The following GRIK1 variants were observed in gnomAD, a reference collection of about 807,000 sequenced individuals.
The protein encoded by GRIK1 is glutamate receptor ionotropic, kainate 1.
In GRIK1, 69 loss-of-function variants were observed where a neutral mutation model predicts 105.7. That is an observed-to-expected ratio of 0.65 (90% CI 0.54 to 0.80). The LOEUF is 0.80. GRIK1 is among the 30% of genes least tolerant of loss of function. GRIK1 has a pLI of 0.00. For synonymous variants in GRIK1, 438 were observed against 431.3 expected (o/e 1.02, Z -0.19); for missense variants, 1,109 against 1,167.3 (o/e 0.95, Z 0.73).
chr21:29,756,265 C>T (rs2065338240), intron 1 of GRIK1, among the ~76,000 whole-genome samples: 1 of 152,116 alleles, frequency 6.6e-6, no homozygotes, highest in African/African-American at 2.4e-5. Flanking sequence ...CCTGCAGCCC[C>T]AGCTACTCGG....
rs57589929 is a variant in GRIK1 at position 29,672,056 on chromosome 21, CT to C, written c.726+926del. Among the ~76,000 whole-genome samples the C allele has an allele frequency of 9.2e-3, 1,211 of 131,584 alleles. 14 individuals are homozygous for C. The highest frequency in any genetic ancestry group is 0.024 in the African/African-American group (844 of 35,768). The allele number at this position is 131,584 out of a possible 152,430, so 86.3% of individuals were successfully genotyped here. A position where few individuals can be genotyped will look rare whatever the true frequency, so the allele number is the denominator to read the frequency against. On this transcript the variant is annotated intron_variant, in intron 4 of 17. Coordinates refer to ENST00000327783, the MANE Select transcript of GRIK1 (RefSeq NM_001330994.2). ...CGCTTTGTTTCTAATTCTGAATTTA[CT>C]TTTTTTTTTTTTTTTTTGAGATGAA...
intron 1 of GRIK1, among the ~76,000 whole-genome samples, chr21:29,832,860 T>A (rs1272142097): frequency 2.0e-5 from 3 of 152,206 alleles, no homozygotes; most frequent in African/African-American, 7.2e-5. Flanking sequence ...GGGTTTTTCT[T>A]TTCTACCACA....
rs143574458 is a variant in GRIK1, at chr21:29,856,892, C to G, written c.118+82491G>C. Among the ~76,000 whole-genome samples the G allele has an allele frequency of 2.7e-3, 417 of 151,972 alleles. 2 individuals carry two copies. Among genetic ancestry groups the G allele is most frequent in the African/African-American group, 9.2e-3 (382 of 41,430 alleles). On this transcript the variant is annotated intron_variant, in intron 1 of 17. Transcript: ENST00000327783. ...CACCACAAAGTCGAAGCCTAAGGAC[C>G]CCGAGGTTGGAATAAATTTGTTATA...
chr21:29,822,786 G>A (rs1344497883), intron 1 of GRIK1, among the ~76,000 whole-genome samples: 1 of 151,864 alleles, frequency 6.6e-6, no homozygotes, highest in African/African-American at 2.4e-5. Flanking sequence ...AGACATCCTC[G>A]ATCTAGACTT....
chr21:29,598,492 C>A (rs2061457420), intron 8 of GRIK1, among the ~76,000 whole-genome samples: 1 of 152,176 alleles, frequency 6.6e-6, no homozygotes, highest in Non-Finnish European at 1.5e-5. Context: ...ATAGCTTCTG[C>A]TTTTCCAAGT....
At chr21:29,734,702 T>C (rs1287333115) in intron 1 of GRIK1, among the ~76,000 whole-genome samples, 1 of 152,104 alleles carries the variant, frequency 6.6e-6, no homozygotes, top group African/African-American at 2.4e-5. Flanking sequence ...CCCAGCCTCC[T>C]TTTATCAAAG....
intron 16 of GRIK1, among the ~76,000 whole-genome samples, chr21:29,549,982 C>A (rs186452890): frequency 6.6e-6 from 1 of 151,790 alleles, no homozygotes; most frequent in Admixed American, 6.6e-5. Context: ...ATGGTGCACG[C>A]CTGCAATCCC....
At chr21:29,726,170 T>C (rs555906224) in intron 1 of GRIK1, among the ~76,000 whole-genome samples, 1 of 152,212 alleles carries the variant, frequency 6.6e-6, no homozygotes, top group African/African-American at 2.4e-5. Context: ...GATTTATCAG[T>C]CTTTATGTGA....
At chr21:29,608,896 A>G (rs1391511453) in intron 7 of GRIK1, among the ~76,000 whole-genome samples, 2 of 152,058 alleles carry the variant, frequency 1.3e-5, no homozygotes, top group African/African-American at 2.4e-5. Flanking sequence ...GACTCTTTTT[A>G]ATAGTCCAGG....
At chr21:29,874,111 C>T (rs755650601) in intron 1 of GRIK1, among the ~76,000 whole-genome samples, 2 of 152,166 alleles carry the variant, frequency 1.3e-5, no homozygotes, top group African/African-American at 2.4e-5. Flanking sequence ...TTCGCTCACT[C>T]GCCTGCCACT....
intron 1 of GRIK1, among the ~76,000 whole-genome samples, chr21:29,703,275 TA>T (rs1334298317): frequency 6.6e-6 from 1 of 152,222 alleles, no homozygotes; most frequent in Non-Finnish European, 1.5e-5. Context: ...GGAAGAAAGG[TA>T]AAACCATTAG....
chr21:29,781,264 T>C (rs536501834), intron 1 of GRIK1, among the ~76,000 whole-genome samples: 1 of 152,222 alleles, frequency 6.6e-6, no homozygotes, highest in East Asian at 1.9e-4. Context: ...CTTTTTTCCT[T>C]TCTTTCTCCT....
intron 1 of GRIK1, among the ~76,000 whole-genome samples, chr21:29,819,520 C>T (rs988203428): frequency 6.6e-5 from 10 of 151,896 alleles, no homozygotes; most frequent in Non-Finnish European, 1.5e-4. Context: ...TTTAGATTTT[C>T]TTCTTTCTAT....
intron 7 of GRIK1, among the ~76,000 whole-genome samples, chr21:29,617,023 A>G (rs1488530578): frequency 6.6e-6 from 1 of 152,228 alleles, no homozygotes; most frequent in East Asian, 1.9e-4. Context: ...ATCAGCCATC[A>G]TTGTATAAAA....
intron 6 of GRIK1, 93 bp from the exon 7 acceptor site, chr21:29,643,062 T>C (rs1350666004): frequency 1.6e-6 from 2 of 1,234,636 alleles, no homozygotes; most frequent in East Asian, 2.3e-5. Flanking sequence ...ATAGCTCTTA[T>C]CTGTCTGATC....
rs1440897358 is a variant in GRIK1 at position 29,606,862 on chromosome 21, C to T, written c.1099-7925G>A. The stretch of plus-strand genomic sequence containing the variant: ...CTGAGTTTTGGCCAAGTCCGTCAGT[C>T]GAGAAGTGCCTTACCTAACTCACAG... On this transcript the variant is annotated intron_variant, in intron 7 of 17. Transcript: ENST00000327783. Among the ~76,000 whole-genome samples, 5 of 152,204 alleles carry T rather than the reference C, an allele frequency of 3.3e-5. No homozygotes were observed. In the East Asian group the frequency reaches 5.8e-4, roughly 18 times the overall value.
intron 1 of GRIK1, among the ~76,000 whole-genome samples, chr21:29,843,018 C>CT (rs1017589883): frequency 6.6e-6 from 1 of 152,038 alleles, no homozygotes; most frequent in East Asian, 1.9e-4. Flanking sequence ...TGTTTACCTT[C>CT]TTTTTTTTCC....
intron 1 of GRIK1, among the ~76,000 whole-genome samples, chr21:29,734,361 C>CTTTTCTTTTCTTTTCTTT (rs1569028472): frequency 2.5e-3 from 44 of 17,274 alleles, no homozygotes; most frequent in African/African-American, 4.6e-3. Flanking sequence ...CTTTTCTTTT[C>CTTTTCTTTTCTTTTCTTT]TTTTCTTTTC....
intron 1 of GRIK1, among the ~76,000 whole-genome samples, chr21:29,725,249 C>G (rs2064428206): frequency 6.6e-6 from 1 of 152,158 alleles, no homozygotes; most frequent in African/African-American, 2.4e-5. Flanking sequence ...CACATGCTAA[C>G]AGATCATTGC....
Sources: allele counts gnomAD v4.1 joint callset (sites outside exome capture counted in the v4.1 genomes callset), GRCh38; gene constraint gnomAD v4.1.1; transcripts MANE v1.5; gene names NCBI Gene and HGNC (gene_info 2026-07-23, HGNC 2026-07-21).